The following ARHGEF3 variants were observed in gnomAD, a reference collection of about 807,000 sequenced individuals.
ARHGEF3 encodes Rho guanine nucleotide exchange factor 3.
ARHGEF3 carries 28 observed loss-of-function variants against 63.2 expected under a neutral mutation model. That is an observed-to-expected ratio of 0.44 (90% CI 0.33 to 0.61). The LOEUF (loss-of-function observed/expected upper bound fraction) is 0.61, where lower values mean the gene tolerates loss of function less well. ARHGEF3 is among the 20% of genes least tolerant of loss of function. ARHGEF3 has a pLI of 0.03. For missense variants in ARHGEF3, 533 were observed against 659.3 expected, an observed-to-expected ratio of 0.81 and a Z score of 2.10; for synonymous variants, 266 against 254.2, an observed-to-expected ratio of 1.05 and a Z score of -0.44.
intron 2 of ARHGEF3, among the ~76,000 whole-genome samples, chr3:56,763,742 T>C (rs2035551500): frequency 6.6e-6 from 1 of 152,044 alleles, no homozygotes; most frequent in South Asian, 2.1e-4. Context: ...TTTGATTTTA[T>C]TTTATTTTTT....
At chr3:56,730,968 T>C (rs1178819443) in intron 9 of ARHGEF3, among the ~76,000 whole-genome samples, 1 of 152,238 alleles carries the variant, frequency 6.6e-6, no homozygotes, top group Non-Finnish European at 1.5e-5. Flanking sequence ...TGTATCTTAG[T>C]TTCTAACTTG....
At chr3:57,060,727 TCCTGCAGCGTCAGATCCCAG>T (rs1560169633) in intron 1 of ARHGEF3, 1 of 152,144 alleles carries the variant, frequency 6.6e-6, no homozygotes, top group African/African-American at 2.4e-5. Flanking sequence ...CTCTTCCTGA[TCCTGCAGCGTCAGATCCCAG>T]CCTGCAGTAT....
At chr3:56,830,511 A>G (rs899794736) in intron 4 of ARHGEF3, among the ~76,000 whole-genome samples, 2 of 152,174 alleles carry the variant, frequency 1.3e-5, no homozygotes, top group Admixed American at 1.3e-4. Flanking sequence ...GTGCCTACAG[A>G]ATGCAATCTC....
chr3:56,973,704 C>T (rs565597143), intron 2 of ARHGEF3, among the ~76,000 whole-genome samples: 3 of 152,012 alleles, frequency 2.0e-5, no homozygotes, highest in Non-Finnish European at 4.4e-5. Context: ...GGAGAGGTGC[C>T]CACCAAATTT....
At chr3:56,756,656 T>A (rs756294695) in intron 2 of ARHGEF3, among the ~76,000 whole-genome samples, 23 of 147,276 alleles carry the variant, frequency 1.6e-4, no homozygotes, top group Non-Finnish European at 3.0e-4. Context: ...TTCACGCCAC[T>A]CTCTTGCTTC....
intron 2 of ARHGEF3, among the ~76,000 whole-genome samples, chr3:56,970,794 G>A (rs1023556093): frequency 2.0e-5 from 3 of 152,218 alleles, no homozygotes; most frequent in Non-Finnish European, 4.4e-5. Context: ...TGCCATACAG[G>A]GGCGGCTTCG....
rs143352057 is a variant in ARHGEF3, at chr3:56,977,799, A to G, written c.63-18910T>C. On this transcript the variant is annotated intron_variant, in intron 2 of 12. Coordinates refer to the ARHGEF3 transcript ENST00000338458. ...GAATCCATGTCTTAGACTATGAAAA[A>G]TAGGAATAATATTAGGTTTTACACC... Among the ~76,000 whole-genome samples the G allele has an allele frequency of 2.8e-4, 42 of 152,282 alleles. No individual in the cohort carries two copies. The East Asian group carries it at 7.3e-3, about 27-fold the overall frequency.
At chr3:56,835,332 T>A (rs184783565) in intron 4 of ARHGEF3, among the ~76,000 whole-genome samples, 2 of 151,950 alleles carry the variant, frequency 1.3e-5, no homozygotes, top group African/African-American at 4.8e-5. Flanking sequence ...CGTACCACCA[T>A]GCCCGGCTAA....
chr3:56,756,324 AG>A (rs1301200060), intron 2 of ARHGEF3, among the ~76,000 whole-genome samples: 1 of 152,190 alleles, frequency 6.6e-6, no homozygotes, highest in East Asian at 1.9e-4. Flanking sequence ...GGCCTTCAGC[AG>A]GAAGTTTCAA....
intron 4 of ARHGEF3, among the ~76,000 whole-genome samples, chr3:56,848,249 G>C (rs2039554296): frequency 6.6e-6 from 1 of 152,106 alleles, no homozygotes; most frequent in South Asian, 2.1e-4. Context: ...GTTAGGACTG[G>C]GTGAGTGATA....
At chr3:57,036,210 C>T (rs71309995) in intron 1 of ARHGEF3, among the ~76,000 whole-genome samples, 4 of 152,040 alleles carry the variant, frequency 2.6e-5, no homozygotes, top group East Asian at 1.9e-4. Flanking sequence ...TCTTCCAGTG[C>T]GAAGACTCTC....
rs980574071 is a variant in ARHGEF3, at chr3:56,867,023, A to C, written c.192+15269T>G. 2.6e-4 allele frequency among the ~76,000 whole-genome samples: 39 copies of C among 152,224 alleles called. 1 individual carries two copies. Among genetic ancestry groups the C allele is most frequent in the Non-Finnish European group, 8.8e-5 (6 of 68,030 alleles). On this transcript the variant is annotated intron_variant, in intron 4 of 12. Transcript: ENST00000338458. Reference sequence around the variant, plus strand: ...ATTTATTAGCTCATAAAAGCCTGGTATTATTTTTACCTATCTTGCTTTGTA... The same window carrying C: ...ATTTATTAGCTCATAAAAGCCTGGTCTTATTTTTACCTATCTTGCTTTGTA...
chr3:56,945,597 G>A (rs971855682), intron 3 of ARHGEF3, among the ~76,000 whole-genome samples: 3 of 152,198 alleles, frequency 2.0e-5, no homozygotes, highest in African/African-American at 7.2e-5. Context: ...GCCTGCCATT[G>A]CTGATGCTTG....
chr3:56,886,984 CA>C (rs2108270772), intron 3 of ARHGEF3, among the ~76,000 whole-genome samples: 1 of 152,276 alleles, frequency 6.6e-6, no homozygotes, highest in South Asian at 2.1e-4. Flanking sequence ...AGGTGTTGAG[CA>C]TGAGGAATAT....
chr3:57,037,211 G>C (rs2107236208), intron 1 of ARHGEF3, among the ~76,000 whole-genome samples: 1 of 152,266 alleles, frequency 6.6e-6, no homozygotes, highest in East Asian at 1.9e-4. Flanking sequence ...AAGATGGAAG[G>C]GTGGTGGGAC....
At chr3:56,871,847 C>T (rs2108225601) in intron 4 of ARHGEF3, among the ~76,000 whole-genome samples, 1 of 152,206 alleles carries the variant, frequency 6.6e-6, no homozygotes, top group South Asian at 2.1e-4. Context: ...TTTATTTTCA[C>T]CAATGATTGA....
At chr3:56,787,636 G>A (rs1578511784) in intron 1 of ARHGEF3, among the ~76,000 whole-genome samples, 1 of 152,060 alleles carries the variant, frequency 6.6e-6, no homozygotes. Flanking sequence ...TGGCAGTGGT[G>A]AAATCTGAAT....
intron 2 of ARHGEF3, among the ~76,000 whole-genome samples, chr3:56,982,460 T>C (rs923750318): frequency 6.6e-6 from 1 of 152,056 alleles, no homozygotes; most frequent in African/African-American, 2.4e-5. Context: ...CTCTTCTCAG[T>C]GGGACTCTCT....
At chr3:57,029,789 G>A (rs1355204153) in intron 2 of ARHGEF3, among the ~76,000 whole-genome samples, 3 of 152,160 alleles carry the variant, frequency 2.0e-5, no homozygotes, top group Admixed American at 6.5e-5. Context: ...ATGTCGCCTT[G>A]CCCAGGGTCA....
Sources: allele counts gnomAD v4.1 joint callset (sites outside exome capture counted in the v4.1 genomes callset), GRCh38; gene constraint gnomAD v4.1.1; transcripts MANE v1.5; gene names NCBI Gene and HGNC (gene_info 2026-07-23, HGNC 2026-07-21).